CDIN1: variants seen among roughly 807,000 people sequenced by gnomAD.
CDIN1 encodes the protein CDAN1 interacting nuclease 1.
In CDIN1, 33 loss-of-function variants were observed where a neutral mutation model predicts 45.3. The observed-to-expected ratio is 0.73, with a 90% CI of 0.55 to 0.97. CDIN1 has a LOEUF of 0.97. Among genes scored for constraint, CDIN1 ranks in the 50% least tolerant of loss-of-function variants. CDIN1 has a pLI of 0.00. For missense variants in CDIN1, 303 were observed against 339.4 expected (o/e 0.89, Z 0.84); for synonymous variants, 118 against 124.4 (o/e 0.95, Z 0.34).
chr15:36,713,548 T>TC (rs2043127882), intron 10 of CDIN1, among the ~76,000 whole-genome samples: 1 of 152,158 alleles, frequency 6.6e-6, no homozygotes, highest in Non-Finnish European at 1.5e-5. Context: ...GGGAGCAACT[T>TC]ACTGTGTTTT....
chr15:36,690,494 T>A lies in CDIN1; in HGVS notation c.347-1191T>A, dbSNP rs562714982. Among the ~76,000 whole-genome samples, 3 of 152,122 alleles carry A rather than the reference T, an allele frequency of 2.0e-5. No homozygotes were observed. The East Asian group carries it at 5.8e-4, about 29-fold the overall frequency. ...CTTGTTAGCCAGGATGGTCTTGATCTCCTGACCTCAAGATCCACCCGCCTC... is the reference window on the plus strand; with the variant it reads ...CTTGTTAGCCAGGATGGTCTTGATCACCTGACCTCAAGATCCACCCGCCTC... On this transcript the variant is annotated intron_variant, in intron 5 of 10. Transcript: ENST00000566621.
Position 36,614,293 on chromosome 15 carries a change from G to T in CDIN1, c.102-29985G>T, listed in dbSNP as rs574613984. The T allele has an allele frequency of 7.7e-4, 449 of 582,454 alleles. 2 individuals are homozygous for T. The highest frequency in any genetic ancestry group is 1.9e-3 in the Admixed American group (103 of 53,096). 36.1% of individuals were successfully genotyped at this position (582,454 alleles called of 1,614,324 possible). On this transcript the variant is annotated intron_variant, in intron 1 of 10. Transcript: ENST00000566621. ...CGAAGCTGACCTTTAACTGAGGGCC[G>T]ATCTTTAACTGGAAGGCTGCTTTCT...
intron 1 of CDIN1, chr15:36,618,073 A>C: frequency 2.7e-6 from 2 of 749,604 alleles, no homozygotes; most frequent in Non-Finnish European, 4.9e-6. Context: ...CTTGGTCTCC[A>C]AATCCTACAC....
chr15:36,702,228 C>T, intron 8 of CDIN1: 1 of 668,208 alleles, frequency 1.5e-6, no homozygotes, highest in South Asian at 1.6e-5. Flanking sequence ...TTTAGAGTAA[C>T]AGGAACATGA....
intron 5 of CDIN1, among the ~76,000 whole-genome samples, chr15:36,683,144 G>T (rs981279356): frequency 6.6e-6 from 1 of 152,160 alleles, no homozygotes; most frequent in Non-Finnish European, 1.5e-5. Flanking sequence ...AACTACTAAA[G>T]AAATCATCAT....
chr15:36,613,691 C>G, intron 1 of CDIN1: 2 of 1,490,558 alleles, frequency 1.3e-6, no homozygotes, highest in East Asian at 2.3e-5. Context: ...GGCTACTGCC[C>G]TGCAAAAGCT....
At chr15:36,771,220 A>G (rs184616305) in intron 10 of CDIN1, among the ~76,000 whole-genome samples, 476 of 152,244 alleles carry the variant, frequency 3.1e-3, no homozygotes, top group Non-Finnish European at 5.3e-3. Flanking sequence ...AGGGCTAGGG[A>G]AGGGATAGCA....
At chr15:36,662,183 T>C (rs973423464) in intron 5 of CDIN1, among the ~76,000 whole-genome samples, 149 of 152,212 alleles carry the variant, frequency 9.8e-4, no homozygotes, top group Admixed American at 6.3e-3. Flanking sequence ...GGCTTTGGGA[T>C]AGACCGAGGT....
chr15:36,801,263 TAG>T (rs1302033877), intron 10 of CDIN1, among the ~76,000 whole-genome samples: 1 of 151,914 alleles, frequency 6.6e-6, no homozygotes, highest in African/African-American at 2.4e-5. Flanking sequence ...TGATTACAGG[TAG>T]AGAGACAAAT....
intron 1 of CDIN1, among the ~76,000 whole-genome samples, chr15:36,619,653 A>G (rs1038936816): frequency 4.6e-5 from 7 of 152,106 alleles, no homozygotes; most frequent in African/African-American, 1.7e-4. Context: ...ACAACATTAT[A>G]CATCCTTCAG....
intron 1 of CDIN1, among the ~76,000 whole-genome samples, chr15:36,594,606 T>C (rs1216260051): frequency 2.0e-5 from 3 of 152,140 alleles, no homozygotes; most frequent in Non-Finnish European, 4.4e-5. Context: ...ATTTGATGCA[T>C]GGAGAAGGAA....
intron 10 of CDIN1, among the ~76,000 whole-genome samples, chr15:36,795,004 T>C (rs1383075343): frequency 6.6e-6 from 1 of 152,216 alleles, no homozygotes; most frequent in Admixed American, 6.5e-5. Context: ...AACTGGAGGT[T>C]ATTATGTTAA....
intron 1 of CDIN1, among the ~76,000 whole-genome samples, chr15:36,584,906 A>C (rs1239028166): frequency 6.6e-6 from 1 of 152,220 alleles, no homozygotes; most frequent in Non-Finnish European, 1.5e-5. Flanking sequence ...AATGTTGAAC[A>C]AAATAACGTT....
At chr15:36,660,176 T>C (rs1300898240) in intron 5 of CDIN1, among the ~76,000 whole-genome samples, 1 of 152,116 alleles carries the variant, frequency 6.6e-6, no homozygotes, top group Admixed American at 6.5e-5. Context: ...TAATTGTCTT[T>C]GGTAGCAATT....
chr15:36,737,231 C>T (rs2044062629), intron 10 of CDIN1, among the ~76,000 whole-genome samples: 1 of 151,666 alleles, frequency 6.6e-6, no homozygotes, highest in African/African-American at 2.4e-5. Flanking sequence ...CCTGCAGGTT[C>T]CAATACCTGG....
At chr15:36,689,720 A>G (rs1025271288) in intron 5 of CDIN1, among the ~76,000 whole-genome samples, 1 of 152,092 alleles carries the variant, frequency 6.6e-6, no homozygotes, top group Non-Finnish European at 1.5e-5. Context: ...CTTTTCTTTT[A>G]TAAGAAGATG....
intron 5 of CDIN1, among the ~76,000 whole-genome samples, chr15:36,676,974 A>C (rs1026713154): frequency 3.3e-5 from 5 of 152,196 alleles, no homozygotes; most frequent in African/African-American, 4.8e-5. Flanking sequence ...TCACATACCT[A>C]TACCAGTGAT....
chr15:36,699,029 G>A (rs570631118), intron 8 of CDIN1, among the ~76,000 whole-genome samples: 1 of 152,180 alleles, frequency 6.6e-6, no homozygotes, highest in South Asian at 2.1e-4. Flanking sequence ...AAATTGATGG[G>A]TCTCATCTGT....
intron 3 of CDIN1, 62 bp from the exon 4 acceptor site, chr15:36,654,036 C>T: frequency 8.0e-7 from 1 of 1,256,668 alleles, no homozygotes; most frequent in South Asian, 1.3e-5. Context: ...ACAGGGGATG[C>T]TGACAAGTCT....
Sources: gnomAD v4.1 joint callset for allele counts (sites outside exome capture counted in the v4.1 genomes callset) on GRCh38, gnomAD v4.1.1 for gene constraint, MANE v1.5 for transcripts, NCBI Gene and HGNC (gene_info 2026-07-23, HGNC 2026-07-21) for gene names.